The following RNF130 variants were observed in gnomAD, a reference collection of about 807,000 sequenced individuals.
The protein encoded by RNF130 is ring finger protein 130.
A neutral mutation model predicts 44.6 loss-of-function variants in RNF130; 21 were observed. That is an observed-to-expected ratio of 0.47 (90% CI 0.33 to 0.68). The LOEUF (loss-of-function observed/expected upper bound fraction) is 0.68, where lower values mean the gene tolerates loss of function less well. Among genes scored for constraint, RNF130 ranks in the 30% least tolerant of loss-of-function variants. The pLI, the probability that RNF130 is intolerant of heterozygous loss-of-function variation, is 0.02. For missense variants in RNF130, 479 were observed against 560.6 expected, an observed-to-expected ratio of 0.85 and a Z score of 1.47; for synonymous variants, 214 against 210.4, an observed-to-expected ratio of 1.02 and a Z score of -0.15.
intron 3 of RNF130, among the ~76,000 whole-genome samples, chr5:179,989,162 GCTTAT>G (rs983613681): frequency 6.6e-6 from 1 of 152,178 alleles, no homozygotes; most frequent in African/African-American, 2.4e-5. Context: ...AACGCCAGAC[GCTTAT>G]AAAACTATCC....
At chr5:180,036,863 A>G (rs1031923780) in intron 2 of RNF130, among the ~76,000 whole-genome samples, 1 of 152,226 alleles carries the variant, frequency 6.6e-6, no homozygotes, top group African/African-American at 2.4e-5. Context: ...AAAACATTAT[A>G]GATACATTTA....
chr5:179,952,224 TA>T (rs1762136462), downstream of RNF130, among the ~76,000 whole-genome samples: 1 of 151,426 alleles, frequency 6.6e-6, no homozygotes, highest in Admixed American at 6.6e-5. Context: ...AAGATTTGAG[TA>T]AAAATTAATG....
At chr5:180,046,413 C>T (rs1764568443) in intron 1 of RNF130, among the ~76,000 whole-genome samples, 2 of 151,958 alleles carry the variant, frequency 1.3e-5, no homozygotes, top group Non-Finnish European at 2.9e-5. Flanking sequence ...TGAAACTCTC[C>T]TCCTCTTTGA....
chr5:180,061,854 G>C (rs1764993510), intron 1 of RNF130, among the ~76,000 whole-genome samples: 1 of 151,960 alleles, frequency 6.6e-6, no homozygotes, highest in Non-Finnish European at 1.5e-5. Context: ...AGTCCTTTCG[G>C]GCTGCTGTAA....
intron 2 of RNF130, chr5:180,015,286 G>A (rs765930750): frequency 5.9e-6 from 3 of 511,000 alleles, no homozygotes; most frequent in Non-Finnish European, 1.2e-5. Flanking sequence ...TTGTTCAACG[G>A]GCCATGATCT....
chr5:179,987,803 C>T (rs1244727801), intron 3 of RNF130, among the ~76,000 whole-genome samples: 1 of 152,210 alleles, frequency 6.6e-6, no homozygotes, highest in African/African-American at 2.4e-5. Flanking sequence ...ATCCTTCTAT[C>T]CCCGGGACAA....
intron 2 of RNF130, among the ~76,000 whole-genome samples, chr5:180,014,768 T>C (rs1763680483): frequency 6.6e-6 from 1 of 152,166 alleles, no homozygotes; most frequent in African/African-American, 2.4e-5. Context: ...GGTGGATTGC[T>C]TGAGCTCAGG....
chr5:179,963,705 T>A, intron 7 of RNF130, 141 bp from the exon 8 acceptor site: 1 of 662,872 alleles, frequency 1.5e-6, no homozygotes, highest in East Asian at 2.8e-5. Context: ...AAGCAGGAGG[T>A]TTGCCAGAGA....
chr5:179,954,039 T>C (rs967007690), downstream of RNF130, among the ~76,000 whole-genome samples: 2 of 152,166 alleles, frequency 1.3e-5, no homozygotes, highest in African/African-American at 4.8e-5. Flanking sequence ...GTTAAAAACA[T>C]GAGACAACTC....
chr5:179,960,159 G>C (rs1762295079), intron 8 of RNF130, among the ~76,000 whole-genome samples: 1 of 152,188 alleles, frequency 6.6e-6, no homozygotes, highest in Admixed American at 6.5e-5. Flanking sequence ...TAGCCAAGTA[G>C]AGCAGAAGAC....
At chr5:180,062,262 A>C (rs894021068) in intron 1 of RNF130, among the ~76,000 whole-genome samples, 1 of 151,894 alleles carries the variant, frequency 6.6e-6, no homozygotes, top group Non-Finnish European at 1.5e-5. Context: ...GGGTTTCACC[A>C]TGTTGGTCAG....
At chr5:180,017,836 C>T (rs1164472407) in intron 2 of RNF130, among the ~76,000 whole-genome samples, 1 of 152,222 alleles carries the variant, frequency 6.6e-6, no homozygotes. Flanking sequence ...GTTCAAATCC[C>T]AGCATGGTAC....
chr5:179,925,434 C>T (rs1373482478), intron 7 of RNF130, among the ~76,000 whole-genome samples: 1 of 152,180 alleles, frequency 6.6e-6, no homozygotes, highest in Admixed American at 6.5e-5. Flanking sequence ...CCTTGCCCTA[C>T]GCATCTGTCA....
At chr5:180,062,910 T>G (rs1432992674) in intron 1 of RNF130, among the ~76,000 whole-genome samples, 1 of 152,126 alleles carries the variant, frequency 6.6e-6, no homozygotes, top group Non-Finnish European at 1.5e-5. Context: ...TCCACTAATA[T>G]AGCAAACACT....
At chr5:179,990,314 G>A (rs1467093859) in intron 3 of RNF130, among the ~76,000 whole-genome samples, 5 of 152,154 alleles carry the variant, frequency 3.3e-5, no homozygotes, top group African/African-American at 7.2e-5. Context: ...TAGCCGAGGC[G>A]GAGAGAGAGA....
chr5:180,019,509 T>G (rs1311071766), intron 2 of RNF130, among the ~76,000 whole-genome samples: 1 of 152,234 alleles, frequency 6.6e-6, no homozygotes, highest in Non-Finnish European at 1.5e-5. Context: ...GGGAGACTGC[T>G]GGCTCCTGAT....
chr5:179,975,107 AG>A (rs1177065404), intron 5 of RNF130, among the ~76,000 whole-genome samples: 1 of 152,190 alleles, frequency 6.6e-6, no homozygotes, highest in Non-Finnish European at 1.5e-5. Flanking sequence ...GAAGACGGTG[AG>A]GGAACAGAAC....
rs1044669368 is a variant in RNF130, at chr5:179,978,359, G to C, written c.766-74C>G. ...AATGGTTGGGATGCAATTCAGCTCA[G>C]AATCTTTCTGTGGCTACTATGGTAA... is the stretch of plus-strand genomic sequence containing the variant. On this transcript the variant is annotated intron_variant, in intron 4 of 8. Coordinates refer to ENST00000521389, the MANE Select transcript of RNF130 (RefSeq NM_018434.6). 3 of 944,220 alleles carry C rather than the reference G, an allele frequency of 3.2e-6. No homozygotes were observed. In the Admixed American group the frequency reaches 5.4e-5, roughly 17 times the overall value. 58.5% of individuals were successfully genotyped at this position (944,220 alleles called of 1,614,324 possible).
At chr5:179,968,064 G>C (rs1164118469) in intron 6 of RNF130, among the ~76,000 whole-genome samples, 1 of 152,120 alleles carries the variant, frequency 6.6e-6, no homozygotes, top group Non-Finnish European at 1.5e-5. Flanking sequence ...GGGAGGCCGA[G>C]GCGGGCAGAT....
Sources: allele counts gnomAD v4.1 joint callset (sites outside exome capture counted in the v4.1 genomes callset), GRCh38; gene constraint gnomAD v4.1.1; transcripts MANE v1.5; gene names NCBI Gene and HGNC (gene_info 2026-07-23, HGNC 2026-07-21).